Variants in PRRC2C observed in about 807,000 individuals in gnomAD.
PRRC2C encodes the protein proline rich coiled-coil 2C.
Under a neutral mutation model 317.2 loss-of-function variants are expected in PRRC2C, and 72 were observed. That is an observed-to-expected ratio of 0.23 (90% CI 0.19 to 0.28). PRRC2C has a LOEUF of 0.28. PRRC2C is among the 10% of genes least tolerant of loss of function. The probability of loss-of-function intolerance (pLI) is 1.00; values close to 1 mark genes in which losing one functional copy is unlikely to be tolerated. For synonymous variants in PRRC2C, 1,296 were observed against 1,205.9 expected, an observed-to-expected ratio of 1.07 and a Z score of -1.55; for missense variants, 3,074 against 3,459.7, an observed-to-expected ratio of 0.89 and a Z score of 2.80.
chr1:171,570,854 T>C (rs945970005), intron 23 of PRRC2C, among the ~76,000 whole-genome samples: 6 of 152,328 alleles, frequency 3.9e-5, no homozygotes, highest in Admixed American at 1.3e-4. Flanking sequence ...CCTGTAGATA[T>C]ATGGTGAAGG....
At chr1:171,528,286 ATTTT>A (rs60053076) in intron 11 of PRRC2C, among the ~76,000 whole-genome samples, 2 of 135,772 alleles carry the variant, frequency 1.5e-5, no homozygotes, top group Admixed American at 1.5e-4. Flanking sequence ...CATCAGTGAA[ATTTT>A]TTTTTTTTTT....
At position 171,545,826 on chromosome 1, in the gene PRRC2C, A is replaced by G. The variant is rs1310289352; in HGVS notation, c.4972+139A>G. 10 of 496,166 alleles carry G rather than the reference A, an allele frequency of 2.0e-5. No homozygotes were observed. The East Asian group carries it at 4.4e-4, about 22-fold the overall frequency. 30.7% of individuals were successfully genotyped at this position (496,166 alleles called of 1,614,324 possible). On this transcript the variant is annotated intron_variant, in intron 17 of 34. Transcript: ENST00000647382. ...AGATTTGGACATTCAAGGTATACAT[A>G]GTGGCTGATTATGAAACACTAACTG...
At chr1:171,491,831 A>G (rs1174037805) in intron 1 of PRRC2C, among the ~76,000 whole-genome samples, 1 of 152,202 alleles carries the variant, frequency 6.6e-6, no homozygotes, top group African/African-American at 2.4e-5. Flanking sequence ...ATCTTACCCA[A>G]AAACTTTGTA....
intron 12 of PRRC2C, among the ~76,000 whole-genome samples, chr1:171,534,257 C>A (rs1182327012): frequency 6.6e-6 from 1 of 151,706 alleles, no homozygotes; most frequent in African/African-American, 2.4e-5. Flanking sequence ...AGAGACTTTG[C>A]TATTGAATAG....
Position 171,579,368 on chromosome 1 carries a change from T to C in PRRC2C, c.7174T>C (p.Phe2392Leu), listed in dbSNP as rs758064665. 6 of 1,613,804 alleles carry C rather than the reference T, an allele frequency of 3.7e-6. No individual in the cohort carries two copies. In the South Asian group the frequency reaches 5.5e-5, roughly 15 times the overall value. ...ATGGTCTACAGCTCAAATCCCAGCC[T>C]TCTATATGGACACAAGTCATTTATT... ...SQSAAAQIPA[F>L]YMDTSHLFNT... Residue 2392 changes from phenylalanine (F) to leucine (L), a missense_variant, in exon 27 of 35, where the codon TTC (phenylalanine) becomes CTC (leucine). Phe to Leu is a conservative substitution (Grantham distance 22). Coordinates refer to ENST00000647382, the MANE Select transcript of PRRC2C (RefSeq NM_001387844.1).
intron 1 of PRRC2C, among the ~76,000 whole-genome samples, chr1:171,489,257 G>T (rs897984921): frequency 2.0e-5 from 3 of 152,182 alleles, no homozygotes; most frequent in Non-Finnish European, 4.4e-5. Flanking sequence ...AACCTTCGAA[G>T]AGTTTGTGTT....
In PRRC2C at chr1:171,557,360, C is replaced by T. The variant is rs1487540814; in HGVS notation, c.5248C>T (p.Pro1750Ser). 4 of 1,551,844 alleles carry T rather than the reference C, an allele frequency of 2.6e-6. No individual in the cohort carries two copies. Among genetic ancestry groups the T allele is most frequent in the Non-Finnish European group, 1.7e-6 (2 of 1,147,032 alleles). The change falls in exon 19 of 35, where the codon CCT (proline) becomes TCT (serine). Residue 1750 changes from proline to serine, a missense_variant. Pro to Ser is a moderately conservative substitution (Grantham distance 74, BLOSUM62 -1). Coordinates refer to ENST00000647382, the MANE Select transcript of PRRC2C (RefSeq NM_001387844.1). Reference protein sequence around the residue: ...QQAQSSASVPPLASAPLPPST... With the variant: ...QQAQSSASVPSLASAPLPPST... ...AGCACAGTCTTCAGCCTCAGTTCCACCTCTAGCTTCGGCTCCACTTCCACC... is the reference window on the plus strand; with the variant it reads ...AGCACAGTCTTCAGCCTCAGTTCCATCTCTAGCTTCGGCTCCACTTCCACC...
chr1:171,538,458 C>A (rs981773153), intron 15 of PRRC2C, among the ~76,000 whole-genome samples: 1 of 152,140 alleles, frequency 6.6e-6, no homozygotes, highest in Admixed American at 6.5e-5. Flanking sequence ...TTTGAAATGG[C>A]GCACAATTGG....
intron 1 of PRRC2C, 196 bp from the exon 2 acceptor site, chr1:171,511,836 A>G (rs1349910640): frequency 1.3e-5 from 4 of 309,288 alleles, no homozygotes; most frequent in East Asian, 7.6e-5. Flanking sequence ...AGTTATAACC[A>G]TATATAACTG....
chr1:171,588,602 TAC>T (rs1650599704), intron 33 of PRRC2C, 97 bp downstream of exon 33: 18 of 1,294,784 alleles, frequency 1.4e-5, no homozygotes, highest in African/African-American at 3.0e-5. Context: ...AGTTAAGAAG[TAC>T]AGTTTTTAAT....
chr1:171,575,390 A>G (rs1685525500), intron 25 of PRRC2C, among the ~76,000 whole-genome samples: 1 of 152,192 alleles, frequency 6.6e-6, no homozygotes, highest in Non-Finnish European at 1.5e-5. Flanking sequence ...TAACTAGATC[A>G]GCTCAAAAAG....
intron 1 of PRRC2C, among the ~76,000 whole-genome samples, chr1:171,505,439 C>T (rs1363056068): frequency 3.3e-5 from 5 of 152,014 alleles, no homozygotes; most frequent in Non-Finnish European, 7.4e-5. Context: ...CTTATATGCT[C>T]TTGTAAACTC....
Position 171,566,765 on chromosome 1 carries a change from TA to T in PRRC2C, c.6483del (p.Ala2162GlnfsTer9), listed in dbSNP as rs748732056. On this transcript the variant is annotated frameshift_variant, in exon 22 of 35. Transcript: ENST00000647382. LOFTEE classifies it high-confidence loss of function. ...CAGATCCTGTCACGACAAAGGAGAC[TA>T]AAGCAGTCTCAGAAATGTCTACTGA... ...STDPVTTKETKAVSEMSTEIG... is the reference protein window; with the variant it reads ...STDPVTTKETXAVSEMSTEIG... The T allele has an allele frequency of 6.2e-7, 1 of 1,613,762 alleles. No homozygotes were observed. Among genetic ancestry groups the T allele is most frequent in the Non-Finnish European group, 8.5e-7 (1 of 1,179,826 alleles).
At chr1:171,553,759 T>C (rs919667432) in intron 18 of PRRC2C, among the ~76,000 whole-genome samples, 22 of 152,232 alleles carry the variant, frequency 1.4e-4, no homozygotes, top group Non-Finnish European at 2.9e-5. Flanking sequence ...TTGTTCAGTT[T>C]CCATGTAGTT....
chr1:171,534,453 T>G lies in PRRC2C; in HGVS notation c.1874-975T>G, dbSNP rs1179121163. Reference sequence around the variant, plus strand: ...AATTTTAGCTTGTTTATCAGTGAGATGTACCCATGTGATTTTTTTTTCCCC... The same window carrying G: ...AATTTTAGCTTGTTTATCAGTGAGAGGTACCCATGTGATTTTTTTTTCCCC... On this transcript the variant is annotated intron_variant, in intron 12 of 34. Coordinates refer to ENST00000647382, the MANE Select transcript of PRRC2C (RefSeq NM_001387844.1). Among the ~76,000 whole-genome samples the G allele has an allele frequency of 2.3e-5, 3 of 128,354 alleles. No homozygotes were observed. In the East Asian group the frequency reaches 7.3e-4, roughly 31 times the overall value. The allele number at this position is 128,354 out of a possible 152,430, so 84.2% of individuals were successfully genotyped here. A position where few individuals can be genotyped will look rare whatever the true frequency, so the allele number is the denominator to read the frequency against.
At chr1:171,525,984 C>G (rs908377193) in intron 10 of PRRC2C, among the ~76,000 whole-genome samples, 1 of 151,916 alleles carries the variant, frequency 6.6e-6, no homozygotes, top group African/African-American at 2.4e-5. Context: ...ATTTATGAAC[C>G]CTGAAAAAGA....
In PRRC2C at chr1:171,587,147, G is replaced by T. The variant is rs774215629; in HGVS notation, c.7894G>T (p.Ala2632Ser). Residue 2632 changes from alanine (A) to serine (S), a missense_variant, in exon 31 of 35, where the codon GCA becomes TCA. Transcript: ENST00000647382. ...ACAGGCTCAGAGTCTGAGTCGTCCT[G>T]CACAAGTAAGCCAGCCTTTCAGAGG... ...QAQAQSLSRP[A>S]QVSQPFRGLI... The T allele has an allele frequency of 5.6e-6, 9 of 1,611,026 alleles. No homozygotes were observed.
rs761207802 is a variant in PRRC2C at position 171,540,941 on chromosome 1, C to A, written c.3475C>A (p.Pro1159Thr). 1.2e-6 allele frequency: 2 copies of A among 1,613,832 alleles called. No individual in the cohort carries two copies. The highest frequency in any genetic ancestry group is 1.1e-5 in the South Asian group (1 of 91,060). ...VIERPRPDSRPAVKKESTLPP... is the reference protein window; with the variant it reads ...VIERPRPDSRTAVKKESTLPP... ...AGAGAGGCCTCGACCAGATTCAAGA[C>A]CAGCAGTTAAAAAAGAATCAACTTT... The change falls in exon 16 of 35, where the codon CCA (proline) becomes ACA (threonine). Residue 1159 changes from proline to threonine, a missense_variant. Pro to Thr is a conservative substitution (Grantham distance 38). Coordinates refer to ENST00000647382, the MANE Select transcript of PRRC2C (RefSeq NM_001387844.1).
chr1:171,535,337 A>G, intron 12 of PRRC2C, 91 bp from the exon 13 acceptor site: 3 of 1,157,950 alleles, frequency 2.6e-6, no homozygotes, highest in Non-Finnish European at 3.6e-6. Context: ...CTTCCTCATT[A>G]ACTTTTATTA....
Sources: allele counts gnomAD v4.1 joint callset (sites outside exome capture counted in the v4.1 genomes callset), GRCh38; gene constraint gnomAD v4.1.1; transcripts MANE v1.5; gene names NCBI Gene and HGNC (gene_info 2026-07-23, HGNC 2026-07-21).